Variants in PDCD6 observed in about 807,000 individuals in gnomAD.
PDCD6 encodes the protein programmed cell death protein 6.
In PDCD6, 12 loss-of-function variants were observed where a neutral mutation model predicts 28.3. That is an observed-to-expected ratio of 0.42 (90% confidence interval 0.27 to 0.69). The LOEUF (loss-of-function observed/expected upper bound fraction) is 0.69, where lower values mean the gene tolerates loss of function less well. PDCD6 is among the 30% of genes least tolerant of loss of function. The pLI is 0.22. For missense variants in PDCD6, 226 were observed against 269.9 expected, an observed-to-expected ratio of 0.84 and a Z score of 1.14; for synonymous variants, 92 against 108.0, an observed-to-expected ratio of 0.85 and a Z score of 0.92.
chr5:300,958 G>A (rs555459949), intron 2 of PDCD6, among the ~76,000 whole-genome samples: 2 of 152,316 alleles, frequency 1.3e-5, no homozygotes, highest in East Asian at 1.9e-4. Flanking sequence ...ATGCGTGCCC[G>A]TCCAGATGGC....
intron 2 of PDCD6, among the ~76,000 whole-genome samples, chr5:283,915 A>G (rs548033253): frequency 7.9e-5 from 12 of 152,102 alleles, no homozygotes; most frequent in Admixed American, 6.5e-5. Context: ...AGGGTCATGC[A>G]GCTGAAGAGC....
chr5:293,121 C>T (rs1375345554), intron 2 of PDCD6, among the ~76,000 whole-genome samples: 6 of 152,212 alleles, frequency 3.9e-5, no homozygotes, highest in East Asian at 1.9e-4. Context: ...CAGGGCATCC[C>T]GTCAACATCA....
At chr5:302,382 GT>G (rs1740137025) in intron 2 of PDCD6, among the ~76,000 whole-genome samples, 1 of 88,968 alleles carries the variant, frequency 1.1e-5, no homozygotes, top group African/African-American at 6.3e-5. Context: ...AGGGTGGGTC[GT>G]GGAGTGCTGC....
chr5:311,103 C>G, intron 4 of PDCD6, 190 bp from the exon 5 acceptor site: 1 of 580,408 alleles, frequency 1.7e-6, no homozygotes. Flanking sequence ...GGGATGTCAG[C>G]TCATTACAGA....
chr5:278,829 C>T (rs1357598976), intron 2 of PDCD6, among the ~76,000 whole-genome samples: 102 of 104,262 alleles, frequency 9.8e-4, no homozygotes, highest in Middle Eastern at 6.3e-3. Context: ...GCTGGGGACA[C>T]AGGAGGGTGC....
At chr5:301,450 A>G (rs1320005428) in intron 2 of PDCD6, among the ~76,000 whole-genome samples, 2 of 152,218 alleles carry the variant, frequency 1.3e-5, no homozygotes, top group Non-Finnish European at 2.9e-5. Flanking sequence ...TTGTAACACT[A>G]GTTTTCAGTA....
At chr5:311,036 C>T (rs566798446) in intron 4 of PDCD6, 17 of 425,864 alleles carry the variant, frequency 4.0e-5, no homozygotes, top group South Asian at 5.2e-5. Context: ...CTAATGGCAG[C>T]GTCCCACTCA....
intron 2 of PDCD6, chr5:276,337 A>C (rs1376226406): frequency 9.3e-7 from 1 of 1,080,006 alleles, no homozygotes; most frequent in African/African-American, 1.7e-5. Context: ...TCACGTTTTC[A>C]TAGTTCCCTC....
Position 301,965 on chromosome 5 carries a change from G to C in PDCD6, c.164-2212G>C, listed in dbSNP as rs567713942. ...CATAACTGCTGGAGGGCGGGTCATC[G>C]AGTGCTGCTGTGTGTGTATGCCTCG... On this transcript the variant is annotated intron_variant, in intron 2 of 5. Transcript: ENST00000264933. Among the ~76,000 whole-genome samples, 7 of 146,936 alleles carry C rather than the reference G, an allele frequency of 4.8e-5. No homozygotes were observed. The South Asian group carries it at 6.6e-4, about 14-fold the overall frequency.
At chr5:272,464 C>A (rs1737890226) in intron 1 of PDCD6, among the ~76,000 whole-genome samples, 1 of 140,278 alleles carries the variant, frequency 7.1e-6, no homozygotes, top group South Asian at 2.2e-4. Context: ...AATGGGAATT[C>A]AGACAGGCCA....
chr5:283,440 T>C (rs1304520659), intron 2 of PDCD6, among the ~76,000 whole-genome samples: 4 of 151,806 alleles, frequency 2.6e-5, no homozygotes. Flanking sequence ...TTTGAGGATC[T>C]TGTAGCTGCA....
In PDCD6 at chr5:295,709, G is replaced by A. The variant is rs1315249591; in HGVS notation, c.164-8468G>A. On this transcript the variant is annotated intron_variant, in intron 2 of 5. Coordinates refer to ENST00000264933, the MANE Select transcript of PDCD6 (RefSeq NM_013232.4). ...CCTGGTGGTCATGACCGCACTCAGG[G>A]CCCGGGGCCTGCTGAGGCTGCTCTC... 5.5e-5 allele frequency among the ~76,000 whole-genome samples: 8 copies of A among 146,244 alleles called. No homozygotes were observed. In the Admixed American group the frequency reaches 5.6e-4, roughly 10 times the overall value.
chr5:308,756 A>G (rs1560863075), intron 4 of PDCD6: 1 of 152,242 alleles, frequency 6.6e-6, no homozygotes, highest in African/African-American at 2.4e-5. Context: ...GGGAATCACC[A>G]GGGTGGTGAA....
At position 290,270 on chromosome 5, in the gene PDCD6, T is replaced by A. The variant is rs1014262643; in HGVS notation, c.164-13907T>A. ...ATCCAGGACAGGACAAACTTCCTTT[T>A]TCCCCTCTTCTCAAAATCTTTCAGC... On this transcript the variant is annotated intron_variant, in intron 2 of 5. Transcript: ENST00000264933. The A allele has an allele frequency of 2.7e-6, 4 of 1,485,154 alleles. No individual in the cohort carries two copies. In the African/African-American group the frequency reaches 5.5e-5, roughly 21 times the overall value. 92.0% of individuals were successfully genotyped at this position (1,485,154 alleles called of 1,614,324 possible).
intron 3 of PDCD6, 76 bp from the exon 4 acceptor site, chr5:306,526 T>G (rs1740497638): frequency 5.2e-6 from 8 of 1,529,496 alleles, no homozygotes; most frequent in Non-Finnish European, 6.3e-6. Context: ...CTCTGAGGGC[T>G]GAGGTCTGGT....
chr5:301,494 T>C (rs538196321), intron 2 of PDCD6, among the ~76,000 whole-genome samples: 1 of 152,376 alleles, frequency 6.6e-6, no homozygotes, highest in East Asian at 1.9e-4. Context: ...TATATACATA[T>C]ACCTGTCTAC....
intron 2 of PDCD6, among the ~76,000 whole-genome samples, chr5:301,986 C>T (rs1479884469): frequency 7.5e-6 from 1 of 133,720 alleles, no homozygotes; most frequent in African/African-American, 2.8e-5. Flanking sequence ...TGTGTGTATG[C>T]CTCGGGTTCA....
intron 2 of PDCD6, among the ~76,000 whole-genome samples, chr5:285,753 G>A (rs1357646312): frequency 6.6e-6 from 1 of 151,676 alleles, no homozygotes; most frequent in Non-Finnish European, 1.5e-5. Context: ...GAAACCCTGG[G>A]GTGAGCTGAA....
chr5:301,940 C>A (rs2126751656), intron 2 of PDCD6, among the ~76,000 whole-genome samples: 2 of 149,576 alleles, frequency 1.3e-5, no homozygotes, highest in Middle Eastern at 3.5e-3. Context: ...AGCTTCCCTG[C>A]ATAACTGCTG....
Sources: allele counts gnomAD v4.1 joint callset (sites outside exome capture counted in the v4.1 genomes callset), GRCh38; gene constraint gnomAD v4.1.1; transcripts MANE v1.5; gene names NCBI Gene and HGNC (gene_info 2026-07-23, HGNC 2026-07-21).